Variants in SFI1 observed in about 807,000 individuals in gnomAD.
The protein encoded by SFI1 is SFI1 centrin binding protein.
A neutral mutation model predicts 207.5 loss-of-function variants in SFI1; 195 were observed. That is an observed-to-expected ratio of 0.94 (90% CI 0.84 to 1.06). The LOEUF (loss-of-function observed/expected upper bound fraction) is 1.06, where lower values mean the gene tolerates loss of function less well. SFI1 is among the 50% of genes least tolerant of loss of function. The probability of loss-of-function intolerance (pLI) is 0.00; values close to 1 mark genes in which losing one functional copy is unlikely to be tolerated. For missense variants in SFI1, 1,634 were observed against 1,588.0 expected (o/e 1.03, Z -0.49); for synonymous variants, 630 against 598.9 (o/e 1.05, Z -0.76).
chr22:31,599,356 CTA>C (rs1178167257), intron 15 of SFI1, among the ~76,000 whole-genome samples: 4 of 150,726 alleles, frequency 2.7e-5, no homozygotes, highest in African/African-American at 9.8e-5. Context: ...GAATCTCGCT[CTA>C]TTGCCAGGCT....
At chr22:31,599,322 T>A (rs1281696563) in intron 15 of SFI1, among the ~76,000 whole-genome samples, 1 of 97,170 alleles carries the variant, frequency 1.0e-5, no homozygotes. Context: ...CACCATTTGT[T>A]GAAAAGCCTT....
At chr22:31,572,961 T>C (rs2063105797) in intron 8 of SFI1, 97 bp from the exon 9 acceptor site, 1 of 1,289,300 alleles carries the variant, frequency 7.8e-7, no homozygotes, top group Non-Finnish European at 1.1e-6. Context: ...AATTTCAGCC[T>C]TTCCAGCGTG....
chr22:31,532,999 C>T (rs2058667306), intron 4 of SFI1, among the ~76,000 whole-genome samples: 2 of 152,088 alleles, frequency 1.3e-5, no homozygotes, highest in South Asian at 4.1e-4. Flanking sequence ...CATGGCATGT[C>T]ATAGGACACG....
At chr22:31,584,828 C>G (rs750185836) in intron 13 of SFI1, among the ~76,000 whole-genome samples, 1 of 151,990 alleles carries the variant, frequency 6.6e-6, no homozygotes, top group East Asian at 1.9e-4. Context: ...ACTGTGCTTT[C>G]GGTGGTCTAA....
intron 22 of SFI1, among the ~76,000 whole-genome samples, chr22:31,610,339 G>T (rs1461321651): frequency 6.6e-6 from 1 of 152,162 alleles, no homozygotes; most frequent in Admixed American, 6.5e-5. Context: ...CTACCTCTTG[G>T]GGTTGTCGTG....
intron 1 of SFI1, among the ~76,000 whole-genome samples, chr22:31,506,632 T>G (rs1012678588): frequency 1.3e-5 from 2 of 152,134 alleles, no homozygotes; most frequent in African/African-American, 4.8e-5. Flanking sequence ...GCCCAAAAGC[T>G]TCTTAAGCTG....
At chr22:31,518,227 CA>C (rs1381290532) in intron 2 of SFI1, among the ~76,000 whole-genome samples, 3 of 152,066 alleles carry the variant, frequency 2.0e-5, no homozygotes. Flanking sequence ...TGTCCTCAGT[CA>C]AGGTGATCTG....
At chr22:31,608,501 C>T (rs2069464447) in intron 22 of SFI1, among the ~76,000 whole-genome samples, 1 of 152,100 alleles carries the variant, frequency 6.6e-6, no homozygotes, top group African/African-American at 2.4e-5. Context: ...ATAAAAGTCA[C>T]ATTGTGAGGT....
intron 8 of SFI1, among the ~76,000 whole-genome samples, chr22:31,565,185 C>T (rs1458191771): frequency 6.6e-6 from 1 of 152,026 alleles, no homozygotes; most frequent in Admixed American, 6.6e-5. Flanking sequence ...CCCTCCGTCC[C>T]TTCTACTGCC....
At chr22:31,518,637 G>A (rs577060677) in intron 2 of SFI1, among the ~76,000 whole-genome samples, 7 of 152,172 alleles carry the variant, frequency 4.6e-5, no homozygotes, top group African/African-American at 1.7e-4. Context: ...GCTGTTCTTA[G>A]AAAATAACTG....
intron 21 of SFI1, chr22:31,607,726 C>T (rs1484502182): frequency 1.2e-5 from 5 of 427,966 alleles, no homozygotes; most frequent in African/African-American, 9.8e-5. Context: ...AGAGTCCCAG[C>T]AGCTGAAATG....
chr22:31,617,218 G>A (rs1441297714), intron 31 of SFI1, 140 bp downstream of exon 31: 13 of 820,020 alleles, frequency 1.6e-5, no homozygotes, highest in East Asian at 1.3e-4. Context: ...GGGGTGTGGG[G>A]AGCCCTCAGT....
intron 1 of SFI1, among the ~76,000 whole-genome samples, 163 bp from the exon 2 acceptor site, chr22:31,508,092 A>T (rs926194353): frequency 6.6e-6 from 1 of 152,108 alleles, no homozygotes; most frequent in Non-Finnish European, 1.5e-5. Context: ...ATTAAAAAAA[A>T]AAGTAATTTA....
Position 31,583,861 on chromosome 22 carries a change from C to T in SFI1, c.1249-14C>T. 6.2e-7 allele frequency: 1 copy of T among 1,610,704 alleles called. No homozygotes were observed. On this transcript the variant is annotated splice_polypyrimidine_tract_variant and intron_variant, in intron 12 of 32. Transcript: ENST00000400288. ...ATCTCAGTACATTTCCATCTTCTTC[C>T]TCCCTTGCTTTAGCTGCTGCACAGG... is the stretch of plus-strand genomic sequence containing the variant.
At chr22:31,609,666 T>C (rs2069716142) in intron 22 of SFI1, among the ~76,000 whole-genome samples, 1 of 152,228 alleles carries the variant, frequency 6.6e-6, no homozygotes, top group South Asian at 2.1e-4. Flanking sequence ...GACAAAACCC[T>C]GGGGTCAGCC....
chr22:31,595,607 A>T (rs1460983797), intron 15 of SFI1, among the ~76,000 whole-genome samples: 3 of 152,196 alleles, frequency 2.0e-5, no homozygotes, highest in Non-Finnish European at 4.4e-5. Context: ...GATAAGAAAC[A>T]ACTGAGAACC....
Position 31,611,323 on chromosome 22 carries a change from C to T in SFI1, c.2415+20C>T, listed in dbSNP as rs1483844355. 1 of 1,572,406 alleles carries T rather than the reference C, an allele frequency of 6.4e-7. No individual in the cohort carries two copies. Among genetic ancestry groups the T allele is most frequent in the Admixed American group, 1.8e-5 (1 of 56,664 alleles). On this transcript the variant is annotated intron_variant, in intron 23 of 32. Coordinates refer to ENST00000400288, the MANE Select transcript of SFI1 (RefSeq NM_001007467.3). ...AAGAGGGTGAGGCTGACGGTGGCAA[C>T]TCTCCAAGTTCTGCCTGCCTGGCAA...
At chr22:31,616,648 C>G (rs738684) in intron 29 of SFI1, 97 bp from the exon 30 acceptor site, 18 of 1,346,384 alleles carry the variant, frequency 1.3e-5, no homozygotes, top group Admixed American at 5.1e-5. Context: ...GGTCTTCCCC[C>G]ACCCCTGCAG....
intron 3 of SFI1, among the ~76,000 whole-genome samples, chr22:31,530,006 T>C (rs991936794): frequency 6.8e-6 from 1 of 147,746 alleles, no homozygotes; most frequent in African/African-American, 2.5e-5. Context: ...CCGTCTCTAC[T>C]AAAAATACAA....
Sources: allele counts gnomAD v4.1 joint callset (sites outside exome capture counted in the v4.1 genomes callset), GRCh38; gene constraint gnomAD v4.1.1; transcripts MANE v1.5; gene names NCBI Gene and HGNC (gene_info 2026-07-23, HGNC 2026-07-21).